Variants in EIF4E3 observed in about 807,000 individuals in gnomAD.
EIF4E3 encodes eukaryotic translation initiation factor 4E family member 3.
EIF4E3 carries 26 observed loss-of-function variants against 31.7 expected under a neutral mutation model. The observed-to-expected ratio is 0.82, with a 90% CI of 0.60 to 1.14. EIF4E3 has a LOEUF of 1.14. Ranked by LOEUF, EIF4E3 falls within the 50% of genes most tolerant of loss-of-function variation. EIF4E3 has a pLI of 0.00. For missense variants in EIF4E3, 304 were observed against 270.9 expected, an observed-to-expected ratio of 1.12 and a Z score of -0.86; for synonymous variants, 128 against 107.7, an observed-to-expected ratio of 1.19 and a Z score of -1.17.
intron 4 of EIF4E3, among the ~76,000 whole-genome samples, chr3:71,695,416 G>A (rs2049122832): frequency 6.6e-6 from 1 of 152,176 alleles, no homozygotes; most frequent in Non-Finnish European, 1.5e-5. Flanking sequence ...AAGGAATGTT[G>A]ACATCATGAT....
At chr3:71,734,892 T>C (rs1293003462) in intron 1 of EIF4E3, among the ~76,000 whole-genome samples, 1 of 152,198 alleles carries the variant, frequency 6.6e-6, no homozygotes, top group African/African-American at 2.4e-5. Flanking sequence ...TCCTTTTATT[T>C]TGGAGGTGAA....
At chr3:71,668,657 T>C in the EIF4E3 span, among the ~76,000 whole-genome samples, 34 of 152,220 alleles carry the variant, frequency 2.2e-4, no homozygotes, top group Admixed American at 1.4e-3. Context: ...CTCATCATCA[T>C]TGGTGATTAG....
At chr3:71,737,110 C>T (rs573866809) in intron 1 of EIF4E3, among the ~76,000 whole-genome samples, 11 of 152,310 alleles carry the variant, frequency 7.2e-5, no homozygotes, top group Non-Finnish European at 1.3e-4. Flanking sequence ...CTTTACACAC[C>T]GGAGGCTCAA....
At position 71,679,053 on chromosome 3, in the gene EIF4E3, A is replaced by G. The variant is rs1328162164; in HGVS notation, c.*5629T>C. On this transcript the variant is annotated 3_prime_UTR_variant, in exon 7 of 7. Transcript: ENST00000425534. The stretch of plus-strand genomic sequence containing the variant: ...CACATTATCTGATTAAAGTCTGAGA[A>G]CTTTGGGGAGAATTTAATGTATATC... 6.6e-6 allele frequency: 1 copy of G among 152,202 alleles called. No individual in the cohort carries two copies. The highest frequency in any genetic ancestry group is 6.5e-5 in the Admixed American group (1 of 15,272). 9.4% of individuals were successfully genotyped at this position (152,202 alleles called of 1,614,324 possible).
the EIF4E3 span, among the ~76,000 whole-genome samples, chr3:71,661,564 G>A: frequency 6.6e-6 from 1 of 152,118 alleles, no homozygotes; most frequent in Non-Finnish European, 1.5e-5. Flanking sequence ...AAAGATCCAA[G>A]GCCTCTCCTT....
chr3:71,713,270 T>C (rs905693721), intron 1 of EIF4E3, among the ~76,000 whole-genome samples: 11 of 152,326 alleles, frequency 7.2e-5, no homozygotes, highest in African/African-American at 2.6e-4. Flanking sequence ...GCCACAAATA[T>C]GTGATTTGAA....
chr3:71,740,458 T>A (rs1455736262), intron 1 of EIF4E3, among the ~76,000 whole-genome samples: 1 of 152,150 alleles, frequency 6.6e-6, no homozygotes, highest in African/African-American at 2.4e-5. Flanking sequence ...TATTGGCCAG[T>A]CATGGTGGCT....
intron 2 of EIF4E3, among the ~76,000 whole-genome samples, chr3:71,700,726 T>C (rs151068983): frequency 2.6e-5 from 4 of 152,150 alleles, no homozygotes; most frequent in African/African-American, 9.6e-5. Context: ...GAAACTACCT[T>C]AGACACTCTG....
rs2048918461 is a variant in EIF4E3, at chr3:71,681,220, T to C, written c.*3462A>G. On this transcript the variant is annotated 3_prime_UTR_variant, in exon 7 of 7. Coordinates refer to ENST00000425534, the MANE Select transcript of EIF4E3 (RefSeq NM_001134651.2). ...ATTTTTACATTTTCTCGTCAAATTT[T>C]TATAAAAGCTTAAGAGCAAAATGCA... The C allele has an allele frequency of 6.6e-6, 1 of 152,228 alleles. No individual in the cohort carries two copies. The allele number at this position is 152,228 out of a possible 1,614,324, so 9.4% of individuals were successfully genotyped here.
chr3:71,725,635 G>A (rs1055674487), upstream of EIF4E3, among the ~76,000 whole-genome samples: 2 of 152,004 alleles, frequency 1.3e-5, no homozygotes, highest in East Asian at 1.9e-4. This position sits in a 1 kb window ranked among gnomAD's most constrained non-coding sequence, Gnocchi z 6.1. Context: ...CGGGCCCAGC[G>A]TGGGAGACTG....
At chr3:71,745,486 C>T (rs550387389) in intron 1 of EIF4E3, among the ~76,000 whole-genome samples, 4 of 152,228 alleles carry the variant, frequency 2.6e-5, no homozygotes, top group East Asian at 1.9e-4. Context: ...CCCCCCAAAT[C>T]GCCACCATAT....
chr3:71,666,405 A>G, the EIF4E3 span, among the ~76,000 whole-genome samples: 3 of 152,224 alleles, frequency 2.0e-5, no homozygotes, highest in Non-Finnish European at 4.4e-5. Flanking sequence ...AAGAAGTCGA[A>G]TACCTGAACA....
the EIF4E3 span, among the ~76,000 whole-genome samples, chr3:71,668,587 T>A: frequency 1.3e-4 from 19 of 150,698 alleles, no homozygotes; most frequent in African/African-American, 3.9e-4. Flanking sequence ...GGGCAAAGGA[T>A]ATGAACAGAC....
At chr3:71,740,367 G>T (rs2049807538) in intron 1 of EIF4E3, among the ~76,000 whole-genome samples, 1 of 152,118 alleles carries the variant, frequency 6.6e-6, no homozygotes. Context: ...AAATATAAAG[G>T]CAACAATAGA....
Position 71,697,296 on chromosome 3 carries a change from C to T in EIF4E3, c.345-776G>A, listed in dbSNP as rs185928855. ...TTGGCCTCCCAAAGTGCTGGGATTA[C>T]AGGCATGAGCCACCATATCTGGCCT... is the stretch of plus-strand genomic sequence containing the variant. On this transcript the variant is annotated intron_variant, in intron 3 of 6. Transcript: ENST00000425534. Among the ~76,000 whole-genome samples, 10 of 152,318 alleles carry T rather than the reference C, an allele frequency of 6.6e-5. No homozygotes were observed. The East Asian group carries it at 1.9e-3, about 29-fold the overall frequency.
upstream of EIF4E3, chr3:71,754,121 G>C: frequency 7.0e-7 from 1 of 1,428,926 alleles, no homozygotes; most frequent in Middle Eastern, 2.5e-4. The surrounding 1 kb of genome is among the most constrained non-coding windows in gnomAD (Gnocchi z 5.8). Context: ...AGCTGGCCAC[G>C]CTCAGCCTGC....
At chr3:71,708,580 T>C (rs1009720975) in intron 2 of EIF4E3, among the ~76,000 whole-genome samples, 16 of 151,920 alleles carry the variant, frequency 1.1e-4, no homozygotes, top group African/African-American at 3.9e-4. Context: ...CCCTGGGTTA[T>C]CTCGTGGGGT....
chr3:71,725,815 G>C (rs1051654538), upstream of EIF4E3, among the ~76,000 whole-genome samples: 21 of 152,136 alleles, frequency 1.4e-4, no homozygotes, highest in African/African-American at 4.1e-4. This position sits in a 1 kb window ranked among gnomAD's most constrained non-coding sequence, Gnocchi z 6.1. Context: ...TGGAGCCCCA[G>C]ACCCACGTGG....
intron 6 of EIF4E3, among the ~76,000 whole-genome samples, chr3:71,685,524 G>A (rs191363286): frequency 6.6e-6 from 1 of 152,222 alleles, no homozygotes; most frequent in Admixed American, 6.5e-5. Context: ...ACCACGTCCA[G>A]CTAATTTTTG....
Sources: gnomAD v4.1 joint callset for allele counts (sites outside exome capture counted in the v4.1 genomes callset) on GRCh38, gnomAD v4.1.1 for gene constraint, Gnocchi (gnomAD v3.1) non-coding constraint, MANE v1.5 for transcripts, NCBI Gene and HGNC (gene_info 2026-07-23, HGNC 2026-07-21) for gene names.